The following NAPSA variants were observed in gnomAD, a reference collection of about 807,000 sequenced individuals.
The protein encoded by NAPSA is napsin A aspartic peptidase.
In NAPSA, 37 loss-of-function variants were observed where a neutral mutation model predicts 36.7. That is an observed-to-expected ratio of 1.01 (90% CI 0.78 to 1.33). The LOEUF is 1.33. NAPSA is among the 40% of genes most tolerant of loss of function. The probability of loss-of-function intolerance (pLI) is 0.00; values close to 1 mark genes in which losing one functional copy is unlikely to be tolerated. For missense variants in NAPSA, 532 were observed against 543.8 expected (o/e 0.98, Z 0.21); for synonymous variants, 222 against 234.5 (o/e 0.95, Z 0.49).
At chr19:50,360,112 T>C (rs370408939) in intron 5 of NAPSA, among the ~76,000 whole-genome samples, 2 of 152,096 alleles carry the variant, frequency 1.3e-5, no homozygotes, top group African/African-American at 4.8e-5. Flanking sequence ...AGGTAGAGTT[T>C]TGGGGAATTT....
Position 50,359,554 on chromosome 19 carries a change from C to A in NAPSA, c.885G>T (p.Glu295Asp). The A allele has an allele frequency of 6.2e-7, 1 of 1,614,254 alleles. No homozygotes were observed. The highest frequency in any genetic ancestry group is 8.5e-7 in the Non-Finnish European group (1 of 1,180,052). ...CAATGGCTGCATGCAGGGCCCGGATCTCCTCAGTGGGTCCTGTGATGAGGG... is the reference window on the plus strand; with the variant it reads ...CAATGGCTGCATGCAGGGCCCGGATATCCTCAGTGGGTCCTGTGATGAGGG... ...GTSLITGPTEEIRALHAAIGG... is the reference protein window; with the variant it reads ...GTSLITGPTEDIRALHAAIGG... Residue 295 changes from glutamate (E) to aspartate (D), a missense_variant, in exon 7 of 9, where the codon GAG becomes GAT. Physicochemically the swap from Glu to Asp is conservative, Grantham distance 45. Around this residue, in one of 3 missense-constraint regions of NAPSA, gnomAD observed 385 missense variants for 371.5 expected, o/e 1.04. Coordinates refer to ENST00000253719, the MANE Select transcript of NAPSA (RefSeq NM_004851.3).
At position 50,362,344 on chromosome 19, in the gene NAPSA, T is replaced by C. The variant is rs199688520; in HGVS notation, c.84-31A>G. The stretch of plus-strand genomic sequence containing the variant: ...GGGAAAGAGGATATTGACAGGAAGC[T>C]GCCCTTCTTGGAGAACCTCTAAATA... On this transcript the variant is annotated intron_variant, in intron 1 of 8. Coordinates refer to ENST00000253719, the MANE Select transcript of NAPSA (RefSeq NM_004851.3). 3,758 of 1,564,636 alleles carry C rather than the reference T, an allele frequency of 2.4e-3. 3 individuals are homozygous for C. The highest frequency in any genetic ancestry group is 2.9e-3 in the Non-Finnish European group (3,355 of 1,154,790).
intron 6 of NAPSA, 30 bp from the exon 7 acceptor site, chr19:50,359,677 C>T (rs1568585490): frequency 6.2e-7 from 1 of 1,614,080 alleles, no homozygotes; most frequent in African/African-American, 1.3e-5. Flanking sequence ...TCATCAGAGG[C>T]AGGGTCCTAG....
At chr19:50,368,346 T>C (rs796451987), upstream of NAPSA, among the ~76,000 whole-genome samples, 1 of 151,316 alleles carries the variant, frequency 6.6e-6, no homozygotes, top group African/African-American at 2.4e-5. Flanking sequence ...GTAAAAATTA[T>C]CTGGGCGTAA....
At position 50,365,612 on chromosome 19, in the gene NAPSA, G is replaced by A. The variant is rs751348702; in HGVS notation, c.10C>T (p.Pro4Ser). The A allele has an allele frequency of 5.6e-6, 9 of 1,611,090 alleles. No individual in the cohort carries two copies. In the Middle Eastern group the frequency reaches 5.5e-4, roughly 98 times the overall value. ...AGCAGCAGGGGTTGCAGCAGCGGTGGTGGAGACATCGCTGGGGACCTGGGT... is the reference window on the plus strand; with the variant it reads ...AGCAGCAGGGGTTGCAGCAGCGGTGATGGAGACATCGCTGGGGACCTGGGT... The part of the protein sequence containing the change: MSP[P>S]PLLQPLLLLL... The change falls in exon 1 of 9, where the codon CCA (proline) becomes TCA (serine). Residue 4 changes from proline (P) to serine (S), a missense_variant. By Grantham distance (74) the Pro-to-Ser change is moderately conservative (BLOSUM62 -1). Transcript: ENST00000253719.
At chr19:50,361,893 C>A (rs2037479240) in intron 3 of NAPSA, 76 bp downstream of exon 3, 1 of 1,599,444 alleles carries the variant, frequency 6.3e-7, no homozygotes, top group South Asian at 1.1e-5. Flanking sequence ...CCTCAAAAGC[C>A]TCTGAGAAGC....
upstream of NAPSA, among the ~76,000 whole-genome samples, chr19:50,368,650 GC>G (rs1159810175): frequency 3.3e-5 from 5 of 152,038 alleles, no homozygotes; most frequent in African/African-American, 1.2e-4. Context: ...CCTTCAACTC[GC>G]CCCGCACGCT....
In NAPSA at chr19:50,363,422, C is replaced by T. The variant is rs558413172; in HGVS notation, c.84-1109G>A. Among the ~76,000 whole-genome samples the T allele has an allele frequency of 4.6e-5, 7 of 152,192 alleles. No homozygotes were observed. In the South Asian group the frequency reaches 1.0e-3, roughly 23 times the overall value. ...TTGAAACAGGGTCTCCCTCTGTCAC[C>T]CAGGCTGGAGTGCAGTAGTGCAGTC... On this transcript the variant is annotated intron_variant, in intron 1 of 8. Transcript: ENST00000253719.
chr19:50,359,710 G>A, intron 6 of NAPSA, 30 bp downstream of exon 6: 1 of 1,614,202 alleles, frequency 6.2e-7, no homozygotes. Flanking sequence ...CCAGCCTCCA[G>A]CTCCAGAGCC....
At chr19:50,367,676 C>A (rs1160412589), upstream of NAPSA, among the ~76,000 whole-genome samples, 7 of 152,058 alleles carry the variant, frequency 4.6e-5, no homozygotes, top group Non-Finnish European at 1.0e-4. Context: ...GCGCTGGGTC[C>A]TGCCCATGGC....
At chr19:50,368,553 G>A (rs1295396855), upstream of NAPSA, among the ~76,000 whole-genome samples, 1 of 152,014 alleles carries the variant, frequency 6.6e-6, no homozygotes, top group African/African-American at 2.4e-5. Context: ...CCTTGCTCTG[G>A]GGGATTTTCC....
chr19:50,358,842 G>C, intron 8 of NAPSA, 62 bp from the exon 9 acceptor site: 1 of 1,464,804 alleles, frequency 6.8e-7, no homozygotes, highest in African/African-American at 1.4e-5. Context: ...TTGCCTGGGA[G>C]CCCGTCCATC....
intron 1 of NAPSA, among the ~76,000 whole-genome samples, chr19:50,364,286 G>A (rs1043842899): frequency 7.7e-6 from 1 of 129,220 alleles, no homozygotes; most frequent in Non-Finnish European, 1.6e-5. Context: ...TTGCACTCCA[G>A]CCTGGGCGAC....
upstream of NAPSA, among the ~76,000 whole-genome samples, chr19:50,368,333 A>G (rs1174335723): frequency 1.3e-5 from 2 of 151,808 alleles, no homozygotes; most frequent in Non-Finnish European, 1.5e-5. Flanking sequence ...GTACAAAAAA[A>G]ATGTAAAAAT....
At chr19:50,364,402 T>A (rs1226738116) in intron 1 of NAPSA, among the ~76,000 whole-genome samples, 1 of 147,480 alleles carries the variant, frequency 6.8e-6, no homozygotes, top group East Asian at 2.0e-4. Context: ...GATCACGAGG[T>A]CAGGAGATCG....
At chr19:50,358,892 GC>G (rs1465264564) in intron 8 of NAPSA, 112 bp from the exon 9 acceptor site, 1 of 1,319,550 alleles carries the variant, frequency 7.6e-7, no homozygotes, top group Non-Finnish European at 1.0e-6. Flanking sequence ...CCAACAAACT[GC>G]CATCACAGGG....
chr19:50,360,765 G>C (rs796212398), intron 5 of NAPSA, among the ~76,000 whole-genome samples, 176 bp downstream of exon 5: 38 of 152,310 alleles, frequency 2.5e-4, no homozygotes, highest in African/African-American at 8.7e-4. Context: ...TAGGGCAGGT[G>C]ACTTCCTGCA....
rs997292022 is a variant in NAPSA at position 50,358,947 on chromosome 19, C to G, written c.1035+64G>C. Reference sequence around the variant, plus strand: ...GCCCCTTCCCTTCCTAGTGACGTCTCTCAGCTCTACCCTCTCAAACCGTCA... The same window carrying G: ...GCCCCTTCCCTTCCTAGTGACGTCTGTCAGCTCTACCCTCTCAAACCGTCA... On this transcript the variant is annotated intron_variant, in intron 8 of 8. Coordinates refer to ENST00000253719, the MANE Select transcript of NAPSA (RefSeq NM_004851.3). The G allele has an allele frequency of 8.9e-6, 13 of 1,465,208 alleles. No homozygotes were observed. In the African/African-American group the frequency reaches 1.4e-4, roughly 16 times the overall value. The allele number at this position is 1,465,208 out of a possible 1,614,324, so 90.8% of individuals were successfully genotyped here. A position where few individuals can be genotyped will look rare whatever the true frequency, so the allele number is the denominator to read the frequency against.
intron 4 of NAPSA, 105 bp from the exon 5 acceptor site, chr19:50,361,245 G>T: frequency 1.1e-6 from 1 of 951,530 alleles, no homozygotes; most frequent in Non-Finnish European, 1.6e-6. Context: ...GGGACTTCTG[G>T]ATGCAAGCCC....
Sources: allele counts gnomAD v4.1 joint callset (sites outside exome capture counted in the v4.1 genomes callset), GRCh38; gene constraint gnomAD v4.1.1; regional missense constraint gnomAD v4.1.1; transcripts MANE v1.5; gene names NCBI Gene and HGNC (gene_info 2026-07-23, HGNC 2026-07-21).